TCF4: variants seen among roughly 807,000 people sequenced by gnomAD.
TCF4 encodes SL3-3 enhancer factor 2.
TCF4 carries 3 observed loss-of-function variants against 82.1 expected under a neutral mutation model. The ratio of observed to expected loss-of-function variants is 0.04; its 90% CI spans 0.02 to 0.09. The LOEUF is 0.09. Among genes scored for constraint, TCF4 ranks in the 10% least tolerant of loss-of-function variants. The pLI is 1.00. For synonymous variants in TCF4, 276 were observed against 309.6 expected, an observed-to-expected ratio of 0.89 and a Z score of 1.14; for missense variants, 518 against 852.7, an observed-to-expected ratio of 0.61 and a Z score of 4.89.
At chr18:55,435,258 T>C (rs2095305153) in intron 5 of TCF4, among the ~76,000 whole-genome samples, 1 of 152,174 alleles carries the variant, frequency 6.6e-6, no homozygotes, top group Admixed American at 6.5e-5. Context: ...CCTGTAAATA[T>C]GTTGAGTTAA....
chr18:55,433,733 C>T (rs892444529), intron 5 of TCF4, among the ~76,000 whole-genome samples: 3 of 152,182 alleles, frequency 2.0e-5, no homozygotes, highest in East Asian at 1.9e-4. Context: ...CATTATGTTA[C>T]GAGGGAAACT....
intron 3 of TCF4, among the ~76,000 whole-genome samples, chr18:55,576,179 C>T (rs1258427935): frequency 6.6e-6 from 1 of 151,978 alleles, no homozygotes; most frequent in Non-Finnish European, 1.5e-5. Flanking sequence ...TATGAAACAG[C>T]TACTTACCAG....
Position 55,443,078 on chromosome 18 carries a change from C to T in TCF4, c.304+17941G>A, listed in dbSNP as rs372176849. ...CCCTGCTGGCTTGTCACCATTGTGA[C>T]GTTTACTATAAAAACAAGTCAGGTT... On this transcript the variant is annotated intron_variant, in intron 5 of 19. Coordinates refer to ENST00000354452, the MANE Select transcript of TCF4 (RefSeq NM_001083962.2). Among the ~76,000 whole-genome samples the T allele has an allele frequency of 2.4e-4, 36 of 152,314 alleles. No individual in the cohort carries two copies. The South Asian group carries it at 6.2e-3, about 26-fold the overall frequency.
At chr18:55,407,652 A>T (rs1486020169) in intron 5 of TCF4, among the ~76,000 whole-genome samples, 36 of 50,372 alleles carry the variant, frequency 7.1e-4, no homozygotes, top group Admixed American at 4.7e-3. Context: ...TTCCATATAA[A>T]AAAAAAAAAA....
chr18:55,468,891 C>CCCA (rs763484029), intron 3 of TCF4, among the ~76,000 whole-genome samples: 26,677 of 127,394 alleles, frequency 0.21, 3,365 homozygotes, highest in Non-Finnish European at 0.27. Flanking sequence ...GCCCCCCCCC[C>CCCA]CCTTGTTCTA....
intron 3 of TCF4, among the ~76,000 whole-genome samples, chr18:55,577,677 G>A (rs7227441): frequency 6.6e-6 from 1 of 151,996 alleles, no homozygotes; most frequent in Non-Finnish European, 1.5e-5. Flanking sequence ...GGAAATTTGA[G>A]ATTAAAAACC....
intron 3 of TCF4, among the ~76,000 whole-genome samples, chr18:55,473,152 GT>G (rs2096222991): frequency 6.6e-6 from 1 of 152,096 alleles, no homozygotes; most frequent in Non-Finnish European, 1.5e-5. Context: ...CTTGGGAGAG[GT>G]TAGCCAACAT....
At chr18:55,347,255 C>T (rs567606487) in intron 8 of TCF4, among the ~76,000 whole-genome samples, 5 of 152,152 alleles carry the variant, frequency 3.3e-5, no homozygotes, top group South Asian at 4.2e-4. Context: ...TACTAAAATA[C>T]GAACCGAGAA....
chr18:55,448,996 T>C (rs1304246754), intron 5 of TCF4, among the ~76,000 whole-genome samples: 1 of 152,130 alleles, frequency 6.6e-6, no homozygotes, highest in East Asian at 1.9e-4. Flanking sequence ...TTGCGAAAAA[T>C]GGAAAATGTA....
chr18:55,586,129 G>GC, intron 2 of TCF4: 1 of 1,401,746 alleles, frequency 7.1e-7, no homozygotes, highest in Non-Finnish European at 9.5e-7. Context: ...GGAGGAGGAG[G>GC]AGGAGAAGGA....
At chr18:55,450,039 C>T (rs1237832868) in intron 5 of TCF4, among the ~76,000 whole-genome samples, 1 of 152,140 alleles carries the variant, frequency 6.6e-6, no homozygotes, top group Non-Finnish European at 1.5e-5. Flanking sequence ...GGTGGCTTTA[C>T]GTTATTTCTT....
At chr18:55,349,086 C>A (rs1288291156) in intron 8 of TCF4, among the ~76,000 whole-genome samples, 3 of 152,096 alleles carry the variant, frequency 2.0e-5, no homozygotes, top group African/African-American at 7.2e-5. Context: ...AAACAATAAA[C>A]AACTGAGTAC....
At chr18:55,401,687 A>ACAC in intron 6 of TCF4, 1 of 986,596 alleles carries the variant, frequency 1.0e-6, no homozygotes, top group Non-Finnish European at 1.2e-6. Flanking sequence ...AGACAGACTC[A>ACAC]CACGGTCTGG....
In TCF4 at chr18:55,623,767, T is replaced by G. The variant is rs970111751; in HGVS notation, c.286+7531A>C. The stretch of plus-strand genomic sequence containing the variant: ...CTATGTGAGTCCCATTAGTGTGAAT[T>G]GGAGTTTTGCAGCTAGATCCATGAG... On this transcript the variant is annotated intron_variant, in intron 2 of 20. Transcript: ENST00000398339. Among the ~76,000 whole-genome samples, 48 of 152,162 alleles carry G rather than the reference T, an allele frequency of 3.2e-4. 1 individual carries two copies.
chr18:55,586,545 G>C (rs2097652115), intron 2 of TCF4, among the ~76,000 whole-genome samples: 1 of 152,182 alleles, frequency 6.6e-6, no homozygotes, highest in Admixed American at 6.5e-5. Context: ...AAGAATCCTA[G>C]GAAAAGATGT....
intron 2 of TCF4, among the ~76,000 whole-genome samples, chr18:55,618,409 T>C (rs2097714293): frequency 1.3e-5 from 2 of 152,182 alleles, no homozygotes; most frequent in South Asian, 4.1e-4. Flanking sequence ...TAATTGTCTT[T>C]TATGATTTTT....
At chr18:55,467,545 A>C (rs1018766706) in intron 3 of TCF4, among the ~76,000 whole-genome samples, 3 of 152,160 alleles carry the variant, frequency 2.0e-5, no homozygotes, top group African/African-American at 7.2e-5. Flanking sequence ...CACAAGACAA[A>C]TGCATGCCCC....
At chr18:55,301,053 C>T (rs965923871) in intron 8 of TCF4, among the ~76,000 whole-genome samples, 6 of 152,112 alleles carry the variant, frequency 3.9e-5, no homozygotes, top group Admixed American at 1.3e-4. Context: ...AGCTCGTTAC[C>T]GCTAAGCCAC....
intron 3 of TCF4, among the ~76,000 whole-genome samples, chr18:55,509,653 C>T (rs1208758940): frequency 6.6e-6 from 1 of 152,140 alleles, no homozygotes; most frequent in Non-Finnish European, 1.5e-5. Context: ...AATCTCATCC[C>T]CTTTATACTA....
Sources: gnomAD v4.1 joint callset for allele counts (sites outside exome capture counted in the v4.1 genomes callset) on GRCh38, gnomAD v4.1.1 for gene constraint, MANE v1.5 for transcripts, NCBI Gene and HGNC (gene_info 2026-07-23, HGNC 2026-07-21) for gene names.